The following TRPM3 variants were observed in gnomAD, a reference collection of about 807,000 sequenced individuals.
TRPM3 encodes long transient receptor potential channel 3.
TRPM3 carries 77 observed loss-of-function variants against 181.2 expected under a neutral mutation model. That is an observed-to-expected ratio of 0.42 (90% confidence interval 0.35 to 0.51). The LOEUF (loss-of-function observed/expected upper bound fraction) is 0.51, where lower values mean the gene tolerates loss of function less well. Among genes scored for constraint, TRPM3 ranks in the 20% least tolerant of loss-of-function variants. TRPM3 has a pLI of 0.01. For synonymous variants in TRPM3, 745 were observed against 796.4 expected, an observed-to-expected ratio of 0.94 and a Z score of 1.09; for missense variants, 1,759 against 2,196.7, an observed-to-expected ratio of 0.80 and a Z score of 3.98.
chr9:71,085,176 ACTAGAAGAAAGC>A (rs2065063058), intron 1 of TRPM3, among the ~76,000 whole-genome samples: 1 of 151,948 alleles, frequency 6.6e-6, no homozygotes, highest in African/African-American at 2.4e-5. Context: ...CTACAAGAAT[ACTAGAAGAAAGC>A]CTAGGAAACA....
intron 10 of TRPM3, 103 bp from the exon 11 acceptor site, chr9:70,639,297 G>T: frequency 7.6e-7 from 1 of 1,319,388 alleles, no homozygotes; most frequent in Non-Finnish European, 1.0e-6. Flanking sequence ...TTTGACATCT[G>T]GTAAACCTTC....
chr9:70,909,837 G>A (rs528944501), intron 1 of TRPM3, among the ~76,000 whole-genome samples: 229 of 152,218 alleles, frequency 1.5e-3, no homozygotes, highest in African/African-American at 5.1e-3. Flanking sequence ...CTTTTGCACC[G>A]ACCCAAACTA....
chr9:70,556,316 C>T lies in TRPM3; in HGVS notation c.3224-3006G>A, dbSNP rs558240862. Among the ~76,000 whole-genome samples, 13 of 151,960 alleles carry T rather than the reference C, an allele frequency of 8.6e-5. No homozygotes were observed. The South Asian group carries it at 1.9e-3, about 22-fold the overall frequency. ...GATTTGATTTGTTTGGCGCCGGGAA[C>T]CTCCTGCCAATCTTTTGGGTATTAA... is the stretch of plus-strand genomic sequence containing the variant. On this transcript the variant is annotated intron_variant, in intron 22 of 25. Transcript: ENST00000677713.
chr9:70,844,821 T>C (rs573286675), intron 4 of TRPM3, among the ~76,000 whole-genome samples: 3 of 152,176 alleles, frequency 2.0e-5, no homozygotes, highest in East Asian at 3.9e-4. Flanking sequence ...AGAAATAGAG[T>C]ATTGGTAAGA....
At chr9:71,082,328 A>C (rs1410397563) in intron 1 of TRPM3, among the ~76,000 whole-genome samples, 1 of 152,160 alleles carries the variant, frequency 6.6e-6, no homozygotes, top group Non-Finnish European at 1.5e-5. Flanking sequence ...GTTAGGAAAC[A>C]CTTCTCATGA....
chr9:71,378,052 T>C (rs1033204703), intron 1 of TRPM3, among the ~76,000 whole-genome samples: 3 of 152,086 alleles, frequency 2.0e-5, no homozygotes, highest in African/African-American at 7.2e-5. Context: ...GATAAAGATA[T>C]TTCTAATACA....
At chr9:70,818,722 GGAA>G (rs2092911411) in intron 6 of TRPM3, among the ~76,000 whole-genome samples, 1 of 152,210 alleles carries the variant, frequency 6.6e-6, no homozygotes, top group African/African-American at 2.4e-5. Flanking sequence ...CAGCTATAAT[GGAA>G]GAAGGTCAAT....
chr9:70,848,833 C>T (rs1474207694), intron 3 of TRPM3, among the ~76,000 whole-genome samples: 1 of 87,008 alleles, frequency 1.1e-5, no homozygotes, highest in African/African-American at 4.4e-5. Context: ...AAAAATTAGC[C>T]GGGCGTGGTA....
intron 1 of TRPM3, among the ~76,000 whole-genome samples, chr9:71,311,022 G>A (rs868534830): frequency 3.9e-5 from 6 of 151,942 alleles, no homozygotes; most frequent in Non-Finnish European, 5.9e-5. Flanking sequence ...TTATTATAAG[G>A]ATTATTCCAG....
At chr9:70,756,221 C>A (rs994596130) in intron 8 of TRPM3, among the ~76,000 whole-genome samples, 6 of 151,860 alleles carry the variant, frequency 4.0e-5, no homozygotes, top group Non-Finnish European at 8.8e-5. Context: ...GACTTTAAAC[C>A]AACCGAGACC....
chr9:71,068,137 C>T (rs886491709), intron 1 of TRPM3, among the ~76,000 whole-genome samples: 1 of 152,106 alleles, frequency 6.6e-6, no homozygotes, highest in Non-Finnish European at 1.5e-5. Flanking sequence ...GATTCCTGAC[C>T]TATCAAAAAG....
intron 9 of TRPM3, among the ~76,000 whole-genome samples, chr9:70,669,160 G>A (rs754666745): frequency 6.6e-5 from 10 of 152,178 alleles, no homozygotes; most frequent in Non-Finnish European, 7.4e-5. Context: ...GCTGCATGGC[G>A]CAGGGGAAAA....
At chr9:70,789,758 C>T (rs958686991) in intron 6 of TRPM3, among the ~76,000 whole-genome samples, 1 of 152,214 alleles carries the variant, frequency 6.6e-6, no homozygotes, top group Admixed American at 6.5e-5. Flanking sequence ...AACAGCTCTG[C>T]GTTCTACAGG....
At chr9:70,907,342 G>A (rs2096481707) in intron 1 of TRPM3, among the ~76,000 whole-genome samples, 1 of 152,176 alleles carries the variant, frequency 6.6e-6, no homozygotes. Flanking sequence ...CACGGTCTAT[G>A]TAGTGCCAGT....
intron 1 of TRPM3, among the ~76,000 whole-genome samples, chr9:71,249,159 C>T (rs554943060): frequency 4.6e-5 from 7 of 152,258 alleles, no homozygotes; most frequent in South Asian, 2.1e-4. Context: ...AAAGTATGGT[C>T]ACCCAAAACT....
intron 1 of TRPM3, among the ~76,000 whole-genome samples, chr9:71,013,136 T>C (rs1209868526): frequency 2.0e-5 from 3 of 152,090 alleles, no homozygotes; most frequent in Admixed American, 6.5e-5. Flanking sequence ...TAATTCCTAT[T>C]TTGTTGATTT....
At chr9:70,949,759 A>G (rs114836663) in intron 1 of TRPM3, among the ~76,000 whole-genome samples, 226 of 152,292 alleles carry the variant, frequency 1.5e-3, no homozygotes, top group African/African-American at 5.3e-3. Flanking sequence ...TTAAGAAAAA[A>G]TAACGGGATG....
intron 25 of TRPM3, among the ~76,000 whole-genome samples, chr9:70,547,017 A>G (rs900690343): frequency 1.3e-5 from 2 of 152,184 alleles, no homozygotes; most frequent in African/African-American, 4.8e-5. Flanking sequence ...TTGTATTTCT[A>G]AGAAGACTCA....
intron 1 of TRPM3, among the ~76,000 whole-genome samples, chr9:71,177,613 G>GGTTT (rs779218018): frequency 0.4 from 61,145 of 152,082 alleles, 12,604 homozygotes; most frequent in East Asian, 0.52. Context: ...AGAATCTTGA[G>GGTTT]TCATTCATGT....
Sources: gnomAD v4.1 joint callset for allele counts (sites outside exome capture counted in the v4.1 genomes callset) on GRCh38, gnomAD v4.1.1 for gene constraint, MANE v1.5 for transcripts, NCBI Gene and HGNC (gene_info 2026-07-23, HGNC 2026-07-21) for gene names.